Variants in CTTN observed in about 807,000 individuals in gnomAD.
CTTN encodes cortactin, also known as src substrate cortactin.
CTTN carries 28 observed loss-of-function variants against 84.0 expected under a neutral mutation model. The ratio of observed to expected loss-of-function variants is 0.33; its 90% CI spans 0.25 to 0.46. The LOEUF (loss-of-function observed/expected upper bound fraction) is 0.46. Ranked by LOEUF, CTTN falls within the 20% of genes least tolerant of loss-of-function variation. The pLI, the probability that CTTN is intolerant of heterozygous loss-of-function variation, is 1.00. For synonymous variants in CTTN, 301 were observed against 288.8 expected, an observed-to-expected ratio of 1.04 and a Z score of -0.43; for missense variants, 641 against 723.8, an observed-to-expected ratio of 0.89 and a Z score of 1.31.
chr11:70,407,566 G>A lies in CTTN; in HGVS notation c.136G>A (p.Gly46Ser). The part of the protein sequence containing the change: ...EQRWGAKTVQ[G>S]SGHQEHINIH... ...AAGATGGGGTGCCAAGACGGTGCAGGGCTCCGGGCACCAGGAGCATATCAA... is the reference window on the plus strand; with the variant it reads ...AAGATGGGGTGCCAAGACGGTGCAGAGCTCCGGGCACCAGGAGCATATCAA... Residue 46 changes from glycine (G) to serine (S), a missense_variant, in exon 4 of 18, where the codon GGC becomes AGC. Around this residue, in one of 3 missense-constraint regions of CTTN, gnomAD observed 284 missense variants for 348.4 expected, o/e 0.82. Transcript: ENST00000301843. The A allele has an allele frequency of 1.9e-6, 3 of 1,613,814 alleles. No individual in the cohort carries two copies. The highest frequency in any genetic ancestry group is 1.3e-5 in the African/African-American group (1 of 75,016).
chr11:70,422,166 T>G (rs2058244204), intron 11 of CTTN: 1 of 328,370 alleles, frequency 3.0e-6, no homozygotes, highest in Non-Finnish European at 6.1e-6. Flanking sequence ...AGTATGTACG[T>G]GAAGCCAGCT....
chr11:70,434,327 G>A (rs1430610551), intron 17 of CTTN, among the ~76,000 whole-genome samples: 1 of 152,254 alleles, frequency 6.6e-6, no homozygotes, highest in Non-Finnish European at 1.5e-5. Flanking sequence ...CTCTGTCTCA[G>A]CCACCACCTG....
Position 70,422,967 on chromosome 11 carries a change from A to T in CTTN, c.929A>T (p.Tyr310Phe), listed in dbSNP as rs1459063556. 6.2e-7 allele frequency: 1 copy of T among 1,613,870 alleles called. No individual in the cohort carries two copies. Among genetic ancestry groups the T allele is most frequent in the Non-Finnish European group, 8.5e-7 (1 of 1,179,992 alleles). The change falls in exon 12 of 18, where the codon TAT becomes TTT. Residue 310 changes from tyrosine to phenylalanine, a missense_variant. By Grantham distance (22) the Tyr-to-Phe change is conservative. Coordinates refer to ENST00000301843, the MANE Select transcript of CTTN (RefSeq NM_005231.4). ...TACTCCAAAGGATTCGGCGGGAAGT[A>T]TGGGGTGCAGAAGGATCGGATGGAT... is the stretch of plus-strand genomic sequence containing the variant. Reference protein sequence around the residue: ...QDYSKGFGGKYGVQKDRMDKN... With the variant: ...QDYSKGFGGKFGVQKDRMDKN...
chr11:70,433,077 C>G (rs780539967), intron 15 of CTTN, 24 bp from the exon 16 acceptor site: 2 of 1,608,828 alleles, frequency 1.2e-6, no homozygotes, highest in African/African-American at 2.7e-5. Context: ...GGCCCCGTGC[C>G]ATGTGCGTGT....
At position 70,414,575 on chromosome 11, in the gene CTTN, T is replaced by A. The variant is rs1439294822; in HGVS notation, c.325T>A (p.Ser109Thr). The A allele has an allele frequency of 6.2e-7, 1 of 1,614,074 alleles. No homozygotes were observed. The highest frequency in any genetic ancestry group is 1.3e-5 in the African/African-American group (1 of 74,942). Residue 109 changes from serine (S) to threonine (T), a missense_variant, in exon 6 of 18, where the codon TCC (serine) becomes ACC (threonine). Ser to Thr is a moderately conservative substitution (Grantham distance 58). Transcript: ENST00000301843. ...AVGHEYQSKL[S>T]KHCSQVDSVR... ...CGGCCACGAATATCAGTCGAAACTT[T>A]CCAAGCACTGCTCGCAGGTGGACTC...
At chr11:70,433,454 G>A (rs1317310804) in intron 16 of CTTN, among the ~76,000 whole-genome samples, 176 bp downstream of exon 16, 1 of 152,130 alleles carries the variant, frequency 6.6e-6, no homozygotes, top group East Asian at 1.9e-4. Flanking sequence ...TTGGGGCATC[G>A]GCTCCTGTGC....
chr11:70,418,886 C>T (rs574366880), intron 8 of CTTN, among the ~76,000 whole-genome samples: 4 of 150,278 alleles, frequency 2.7e-5, no homozygotes, highest in Non-Finnish European at 4.4e-5. Flanking sequence ...AAACAATTCT[C>T]CTGCCTCAGT....
intron 6 of CTTN, 88 bp from the exon 7 acceptor site, chr11:70,415,575 A>AATATC: frequency 8.2e-7 from 1 of 1,213,198 alleles, no homozygotes; most frequent in South Asian, 1.2e-5. Context: ...TATTTTTTTA[A>AATATC]ATGTCATGTC....
chr11:70,431,065 T>G, intron 14 of CTTN, 126 bp from the exon 15 acceptor site: 1 of 919,714 alleles, frequency 1.1e-6, no homozygotes, highest in Non-Finnish European at 1.8e-6. Context: ...AGCCTTGGTG[T>G]GGGTGTTTTC....
rs750125985 is a variant in CTTN, at chr11:70,425,322, GTC to G, written c.958-6_958-5del. On this transcript the variant is annotated splice_polypyrimidine_tract_variant and splice_region_variant and intron_variant, in intron 12 of 17. Coordinates refer to ENST00000301843, the MANE Select transcript of CTTN (RefSeq NM_005231.4). ...AGTGCTCTCCTGACGCCCATGTCCT[GTC>G]TCTGCAGAATGCGTCAACCTTTGAG... 14 of 1,609,940 alleles carry G rather than the reference GTC, an allele frequency of 8.7e-6. No homozygotes were observed. Among genetic ancestry groups the G allele is most frequent in the African/African-American group, 8.0e-5 (6 of 74,862 alleles).
Position 70,422,981 on chromosome 11 carries a change from G to T in CTTN, c.943G>T (p.Asp315Tyr). 6.2e-7 allele frequency: 1 copy of T among 1,614,038 alleles called. No individual in the cohort carries two copies. Among genetic ancestry groups the T allele is most frequent in the Non-Finnish European group, 8.5e-7 (1 of 1,179,994 alleles). Reference sequence around the variant, plus strand: ...CGGCGGGAAGTATGGGGTGCAGAAGGATCGGATGGATAAGGTAAATATTCC... The same window carrying T: ...CGGCGGGAAGTATGGGGTGCAGAAGTATCGGATGGATAAGGTAAATATTCC... ...GFGGKYGVQK[D>Y]RMDKNASTFE... is the part of the protein sequence containing the mutation. The change falls in exon 12 of 18, where the codon GAT becomes TAT. Residue 315 changes from aspartate to tyrosine, a missense_variant. Coordinates refer to ENST00000301843, the MANE Select transcript of CTTN (RefSeq NM_005231.4).
At chr11:70,416,028 C>T (rs1235805054) in intron 7 of CTTN, 15 of 343,606 alleles carry the variant, frequency 4.4e-5, no homozygotes, top group African/African-American at 1.5e-4. Flanking sequence ...ATCTGGGCAG[C>T]GCTCCTCCTG....
chr11:70,432,080 C>T (rs2058359262), intron 15 of CTTN, among the ~76,000 whole-genome samples: 1 of 152,148 alleles, frequency 6.6e-6, no homozygotes, highest in Non-Finnish European at 1.5e-5. Flanking sequence ...GGAGACAGGC[C>T]GGGTCTGGGA....
intron 7 of CTTN, 186 bp downstream of exon 7, chr11:70,415,903 A>G: frequency 1.6e-6 from 1 of 622,974 alleles, no homozygotes; most frequent in East Asian, 2.7e-5. Context: ...ATGTTTCTGG[A>G]TCATCTGGAT....
chr11:70,404,245 A>G (rs1485110539), intron 1 of CTTN, among the ~76,000 whole-genome samples: 2 of 152,206 alleles, frequency 1.3e-5, no homozygotes, highest in Admixed American at 1.3e-4. Context: ...CCTAGTTCCT[A>G]ATGCGTGAGA....
intron 14 of CTTN, 129 bp from the exon 15 acceptor site, chr11:70,431,062 G>C: frequency 1.1e-6 from 1 of 898,518 alleles, no homozygotes; most frequent in Non-Finnish European, 1.8e-6. Flanking sequence ...CTCAGCCTTG[G>C]TGTGGGTGTT....
Position 70,431,198 on chromosome 11 carries a change from C to G in CTTN, c.1184C>G (p.Ala395Gly), listed in dbSNP as rs1345642650. Residue 395 changes from alanine to glycine, a missense_variant, in exon 15 of 18, where the codon GCC (alanine) becomes GGC (glycine). This residue lies in a region of CTTN where 289 missense variants were observed against 273.1 expected (regional missense o/e 1.06). Coordinates refer to ENST00000301843, the MANE Select transcript of CTTN (RefSeq NM_005231.4). ...EEARRKLEEQ[A>G]RAKTQTPPVS... is the part of the protein sequence containing the mutation. ...GTTTGTTTTCAATCACAGGAGCAAG[C>G]CAGAGCCAAAACGCAAACGCCCCCT... 6.2e-7 allele frequency: 1 copy of G among 1,614,144 alleles called. No individual in the cohort carries two copies. Among genetic ancestry groups the G allele is most frequent in the Non-Finnish European group, 8.5e-7 (1 of 1,179,994 alleles).
Position 70,429,036 on chromosome 11 carries a change from C to T in CTTN, c.1028-15C>T, listed in dbSNP as rs778736717. The T allele has an allele frequency of 6.2e-7, 1 of 1,613,964 alleles. No homozygotes were observed. The highest frequency in any genetic ancestry group is 1.1e-5 in the South Asian group (1 of 91,046). On this transcript the variant is annotated splice_polypyrimidine_tract_variant and intron_variant, in intron 13 of 17. Coordinates refer to ENST00000301843, the MANE Select transcript of CTTN (RefSeq NM_005231.4). The stretch of plus-strand genomic sequence containing the variant: ...GCTGTGCTCAAGGCACACGTCCTCC[C>T]TCCTTCCTCTATAGTGACCAGCAAA...
chr11:70,422,827 T>G, intron 11 of CTTN, 113 bp from the exon 12 acceptor site: 1 of 1,557,192 alleles, frequency 6.4e-7, no homozygotes, highest in Non-Finnish European at 8.7e-7. Flanking sequence ...TCTCGTTTCT[T>G]CCCGCTGTGG....
Sources: allele counts gnomAD v4.1 joint callset (sites outside exome capture counted in the v4.1 genomes callset), GRCh38; gene constraint gnomAD v4.1.1; regional missense constraint gnomAD v4.1.1; transcripts MANE v1.5; gene names NCBI Gene and HGNC (gene_info 2026-07-23, HGNC 2026-07-21).